The following MBNL1 variants were observed in gnomAD, a reference collection of about 807,000 sequenced individuals.
MBNL1 encodes the protein muscleblind-like protein 1.
MBNL1 carries 8 observed loss-of-function variants against 42.2 expected under a neutral mutation model. The observed-to-expected ratio is 0.19, with a 90% CI of 0.11 to 0.34. The LOEUF is 0.34. Among genes scored for constraint, MBNL1 ranks in the 10% least tolerant of loss-of-function variants. The probability of loss-of-function intolerance (pLI) is 1.00; values close to 1 mark genes in which losing one functional copy is unlikely to be tolerated. For missense variants in MBNL1, 309 were observed against 495.3 expected, an observed-to-expected ratio of 0.62 and a Z score of 3.57; for synonymous variants, 169 against 173.9, an observed-to-expected ratio of 0.97 and a Z score of 0.22.
chr3:152,246,573 T>G (rs2033079531), intron 2 of MBNL1, among the ~76,000 whole-genome samples: 1 of 151,794 alleles, frequency 6.6e-6, no homozygotes, highest in South Asian at 2.1e-4. Flanking sequence ...TTATTCATCA[T>G]AAATATGATA....
chr3:152,262,657 C>T (rs564456888), intron 2 of MBNL1: 14 of 152,102 alleles, frequency 9.2e-5, no homozygotes, highest in Non-Finnish European at 1.5e-4. Flanking sequence ...AGTGTTACTA[C>T]GTAGAAATGT....
chr3:152,249,436 A>C (rs1404524165), intron 2 of MBNL1, among the ~76,000 whole-genome samples: 1 of 112,260 alleles, frequency 8.9e-6, no homozygotes, highest in East Asian at 2.5e-4. Context: ...GTGTCTGTTC[A>C]TATCCTTTGC....
chr3:152,336,667 T>C (rs187694756), intron 2 of MBNL1, among the ~76,000 whole-genome samples: 1 of 152,356 alleles, frequency 6.6e-6, no homozygotes, highest in Admixed American at 6.5e-5. Context: ...TTTATAACAA[T>C]GTCTAACTCT....
chr3:152,317,428 T>C (rs1475623904), intron 2 of MBNL1, among the ~76,000 whole-genome samples: 1 of 152,092 alleles, frequency 6.6e-6, no homozygotes, highest in African/African-American at 2.4e-5. Flanking sequence ...TAAGTGATTC[T>C]CCCGCCTCAA....
chr3:152,441,323 A>G (rs1401877697), intron 4 of MBNL1, among the ~76,000 whole-genome samples: 1 of 152,212 alleles, frequency 6.6e-6, no homozygotes, highest in Non-Finnish European at 1.5e-5. Flanking sequence ...AAAATTAGAG[A>G]TCAAATGACA....
chr3:152,366,979 A>T (rs988176818), intron 2 of MBNL1, among the ~76,000 whole-genome samples: 1 of 152,196 alleles, frequency 6.6e-6, no homozygotes, highest in African/African-American at 2.4e-5. Context: ...TGTATTATAT[A>T]TTTACATAAA....
rs142191966 is a variant in MBNL1 at position 152,294,209 on chromosome 3, G to A, written c.-789-5196G>A. Among the ~76,000 whole-genome samples, 876 of 150,808 alleles carry A rather than the reference G, an allele frequency of 5.8e-3. 8 individuals carry two copies. Among genetic ancestry groups the A allele is most frequent in the African/African-American group, 0.02 (831 of 41,026 alleles). Reference sequence around the variant, plus strand: ...GTCAGATAAAGCAAGAAACTATAGCGTTTGGAATGTGATCAGTAGGTTAAA... The same window carrying A: ...GTCAGATAAAGCAAGAAACTATAGCATTTGGAATGTGATCAGTAGGTTAAA... On this transcript the variant is annotated intron_variant, in intron 1 of 9. Coordinates refer to ENST00000324210, the MANE Select transcript of MBNL1 (RefSeq NM_021038.5).
intron 2 of MBNL1, among the ~76,000 whole-genome samples, chr3:152,315,746 G>C (rs1222012089): frequency 6.6e-6 from 1 of 152,050 alleles, no homozygotes; most frequent in Non-Finnish European, 1.5e-5. Context: ...CCATGGAAAA[G>C]TTTTTATTTC....
intron 1 of MBNL1, among the ~76,000 whole-genome samples, chr3:152,289,223 ATTAAC>A (rs1199551971): frequency 1.3e-5 from 2 of 152,136 alleles, no homozygotes; most frequent in Non-Finnish European, 2.9e-5. Context: ...AAAAATGGGC[ATTAAC>A]TTAGTTGACT....
intron 6 of MBNL1, among the ~76,000 whole-genome samples, chr3:152,448,666 A>G (rs1029848606): frequency 1.3e-5 from 2 of 152,148 alleles, no homozygotes; most frequent in Non-Finnish European, 2.9e-5. Context: ...ATATATGTCA[A>G]AAATCCAGCT....
At chr3:152,252,635 C>T (rs2034820788) in intron 2 of MBNL1, among the ~76,000 whole-genome samples, 1 of 152,004 alleles carries the variant, frequency 6.6e-6, no homozygotes, top group Non-Finnish European at 1.5e-5. Context: ...AAATTATCCT[C>T]CTTTGCATTC....
intron 2 of MBNL1, among the ~76,000 whole-genome samples, chr3:152,382,366 A>C (rs946721110): frequency 6.6e-6 from 1 of 152,108 alleles, no homozygotes; most frequent in African/African-American, 2.4e-5. Flanking sequence ...CCTCGCCATA[A>C]TATGTTAGGT....
intron 2 of MBNL1, among the ~76,000 whole-genome samples, chr3:152,247,747 T>C (rs942265620): frequency 2.0e-5 from 3 of 152,034 alleles, no homozygotes; most frequent in Admixed American, 6.6e-5. Flanking sequence ...TATCTTTATA[T>C]ACATTTTCTA....
At chr3:152,318,095 A>G (rs1289861479) in intron 2 of MBNL1, among the ~76,000 whole-genome samples, 1 of 152,224 alleles carries the variant, frequency 6.6e-6, no homozygotes, top group African/African-American at 2.4e-5. Flanking sequence ...AGCCTGTAGT[A>G]TATTTTGACA....
intron 2 of MBNL1, among the ~76,000 whole-genome samples, chr3:152,348,562 A>C (rs2094560719): frequency 6.6e-6 from 1 of 152,144 alleles, no homozygotes; most frequent in South Asian, 2.1e-4. Context: ...AGGTTGAATT[A>C]CTCTACATTT....
chr3:152,442,895 C>G (rs1306357241), intron 4 of MBNL1, among the ~76,000 whole-genome samples: 3 of 151,906 alleles, frequency 2.0e-5, no homozygotes, highest in Non-Finnish European at 4.4e-5. Context: ...TTTTCACAAG[C>G]AAGAATAATG....
At chr3:152,432,415 T>C (rs2099018971) in intron 3 of MBNL1, among the ~76,000 whole-genome samples, 1 of 152,302 alleles carries the variant, frequency 6.6e-6, no homozygotes, top group South Asian at 2.1e-4. Context: ...AAGAAGTTTC[T>C]GCATAGTTTA....
Position 152,315,845 on chromosome 3 carries a change from AAC to A in MBNL1, c.174+15499_174+15500del, listed in dbSNP as rs147766235. Among the ~76,000 whole-genome samples the A allele has an allele frequency of 1.4e-3, 200 of 142,944 alleles. 1 individual carries two copies. Among genetic ancestry groups the A allele is most frequent in the South Asian group, 9.7e-3 (41 of 4,208 alleles). 93.8% of individuals were successfully genotyped at this position (142,944 alleles called of 152,430 possible). A position where few individuals can be genotyped will look rare whatever the true frequency, so the allele number is the denominator to read the frequency against. ...CTACAGATAATAGTGAAAGCGTGTGAACACACACACACACACACACACTCTCT... is the reference window on the plus strand; with the variant it reads ...CTACAGATAATAGTGAAAGCGTGTGAACACACACACACACACACACTCTCT... On this transcript the variant is annotated intron_variant, in intron 2 of 9. Transcript: ENST00000324210.
In MBNL1 at chr3:152,345,370, G is replaced by A. The variant is rs534744915; in HGVS notation, c.174+45003G>A. ...TGGAATGGCTCAAATAAAATCAGTG[G>A]GATCTCTCCCTGAGGAGAATTTTGT... On this transcript the variant is annotated intron_variant, in intron 2 of 9. Transcript: ENST00000324210. Among the ~76,000 whole-genome samples the A allele has an allele frequency of 3.3e-5, 5 of 152,080 alleles. 1 individual carries two copies. In the South Asian group the frequency reaches 1.0e-3, roughly 32 times the overall value.
Sources: gnomAD v4.1 joint callset for allele counts (sites outside exome capture counted in the v4.1 genomes callset) on GRCh38, gnomAD v4.1.1 for gene constraint, MANE v1.5 for transcripts, NCBI Gene and HGNC (gene_info 2026-07-23, HGNC 2026-07-21) for gene names.